The following CPEB3 variants were observed in gnomAD, a reference collection of about 807,000 sequenced individuals.
CPEB3 encodes the protein cytoplasmic polyadenylation element-binding protein 3.
A neutral mutation model predicts 67.2 loss-of-function variants in CPEB3; 20 were observed. The observed-to-expected ratio is 0.30, with a 90% CI of 0.21 to 0.43. The LOEUF (loss-of-function observed/expected upper bound fraction) is 0.43. Ranked by LOEUF, CPEB3 falls within the 20% of genes least tolerant of loss-of-function variation. The pLI is 1.00. For synonymous variants in CPEB3, 376 were observed against 393.1 expected, an observed-to-expected ratio of 0.96 and a Z score of 0.51; for missense variants, 746 against 968.6, an observed-to-expected ratio of 0.77 and a Z score of 3.05.
chr10:92,081,526 A>T, intron 8 of CPEB3, 25 bp from the exon 9 acceptor site: 2 of 1,595,242 alleles, frequency 1.3e-6, no homozygotes, highest in Non-Finnish European at 1.7e-6. Context: ...CAAAACATGG[A>T]TGTGTATAAA....
chr10:92,259,637 T>G (rs1223085744), intron 1 of CPEB3, among the ~76,000 whole-genome samples: 7 of 152,214 alleles, frequency 4.6e-5, no homozygotes, highest in Non-Finnish European at 8.8e-5. Context: ...GTACCACATT[T>G]TTATTGCTTT....
chr10:92,222,029 A>C (rs1850725559), intron 2 of CPEB3, among the ~76,000 whole-genome samples: 2 of 152,116 alleles, frequency 1.3e-5, no homozygotes, highest in Admixed American at 1.3e-4. Flanking sequence ...ACCCCATCGA[A>C]GACGTTCACT....
chr10:92,201,596 G>A (rs117962493), intron 2 of CPEB3, among the ~76,000 whole-genome samples: 2,947 of 152,224 alleles, frequency 0.019, 46 homozygotes, highest in Non-Finnish European at 0.03. Context: ...CCTGGTTAGT[G>A]TGCATATGTG....
At chr10:92,153,514 A>G (rs1171005612) in intron 4 of CPEB3, among the ~76,000 whole-genome samples, 1 of 152,122 alleles carries the variant, frequency 6.6e-6, no homozygotes, top group Non-Finnish European at 1.5e-5. Context: ...GGCTGGGTGC[A>G]GTGGCTCATG....
intron 7 of CPEB3, among the ~76,000 whole-genome samples, chr10:92,106,561 T>A (rs967593313): frequency 1.3e-5 from 2 of 151,954 alleles, no homozygotes; most frequent in African/African-American, 4.8e-5. Context: ...ACGCTTGTAA[T>A]CCTAGCACTT....
chr10:92,192,443 C>A, intron 3 of CPEB3, 34 bp downstream of exon 3: 1 of 1,555,062 alleles, frequency 6.4e-7, no homozygotes, highest in South Asian at 1.2e-5. Context: ...GCTTAAAACA[C>A]CAAGCAAGAA....
intron 9 of CPEB3, among the ~76,000 whole-genome samples, chr10:92,075,404 T>C (rs1015520473): frequency 3.9e-5 from 6 of 152,326 alleles, no homozygotes; most frequent in African/African-American, 1.4e-4. Flanking sequence ...AACACCTCTA[T>C]GTTTCTTAAG....
At chr10:92,125,442 A>C (rs965961176) in intron 6 of CPEB3, among the ~76,000 whole-genome samples, 1 of 152,162 alleles carries the variant, frequency 6.6e-6, no homozygotes, top group Non-Finnish European at 1.5e-5. Context: ...AGCTGTGCTC[A>C]TTGCACAGCA....
rs140483582 is a variant in CPEB3, at chr10:92,183,118, T to C, written c.1166-2099A>G. On this transcript the variant is annotated intron_variant, in intron 3 of 9. Transcript: ENST00000265997. Reference sequence around the variant, plus strand: ...AATTTTGCTAGCATTTGTAATATAGTAAAATTATTTTCTTAGATTAGATCA... The same window carrying C: ...AATTTTGCTAGCATTTGTAATATAGCAAAATTATTTTCTTAGATTAGATCA... Among the ~76,000 whole-genome samples the C allele has an allele frequency of 2.0e-5, 3 of 152,276 alleles. No homozygotes were observed. The East Asian group carries it at 5.8e-4, about 29-fold the overall frequency.
At chr10:92,246,463 C>G (rs1158552137) in intron 1 of CPEB3, among the ~76,000 whole-genome samples, 1 of 151,630 alleles carries the variant, frequency 6.6e-6, no homozygotes, top group Non-Finnish European at 1.5e-5. Flanking sequence ...AACATCCTTA[C>G]AGCTTTAAGA....
chr10:92,204,205 G>A (rs1305880603), intron 2 of CPEB3: 1 of 152,142 alleles, frequency 6.6e-6, no homozygotes, highest in Non-Finnish European at 1.5e-5. Context: ...TGTTTGACTT[G>A]GGTGGTTGGG....
chr10:92,135,182 A>G (rs1014654658), intron 6 of CPEB3, among the ~76,000 whole-genome samples: 2 of 152,228 alleles, frequency 1.3e-5, no homozygotes, highest in African/African-American at 4.8e-5. Flanking sequence ...ATTAAACTAA[A>G]GAGCTTCTGC....
chr10:92,119,152 G>A (rs1236535307), intron 6 of CPEB3: 54 of 1,582,438 alleles, frequency 3.4e-5, no homozygotes, highest in South Asian at 6.6e-5. Flanking sequence ...CTGTAGGGCC[G>A]GCAGCCATAT....
chr10:92,216,787 C>T, intron 2 of CPEB3: 1 of 1,609,896 alleles, frequency 6.2e-7, no homozygotes. Context: ...TGCCCCTACC[C>T]CTATGAGGAG....
At chr10:92,230,965 A>T (rs369074459) in intron 2 of CPEB3, among the ~76,000 whole-genome samples, 2 of 152,350 alleles carry the variant, frequency 1.3e-5, no homozygotes, top group African/African-American at 4.8e-5. Flanking sequence ...AGGAGATTCA[A>T]ATTAGACCTT....
chr10:92,276,267 TTTTTC>T (rs1841979993), intron 1 of CPEB3, among the ~76,000 whole-genome samples: 2 of 148,214 alleles, frequency 1.3e-5, no homozygotes, highest in African/African-American at 2.6e-5. Context: ...ATGCTGCTTT[TTTTTC>T]TTTTCTTTTT....
rs1265387052 is a variant in CPEB3 at position 92,050,167 on chromosome 10, CAT to C, written c.*2043_*2044del. 7 of 151,258 alleles carry C rather than the reference CAT, an allele frequency of 4.6e-5. No individual in the cohort carries two copies. The highest frequency in any genetic ancestry group is 7.4e-5 in the Non-Finnish European group (5 of 67,716). 9.4% of individuals were successfully genotyped at this position (151,258 alleles called of 1,614,324 possible). A position where few individuals can be genotyped will look rare whatever the true frequency, so the allele number is the denominator to read the frequency against. Reference sequence around the variant, plus strand: ...GTACAGATGAAAAAAAACCCACAAACATAGAAAAAAACAAACAAAACCACACC... The same window carrying C: ...GTACAGATGAAAAAAAACCCACAAACAGAAAAAAACAAACAAAACCACACC... On this transcript the variant is annotated 3_prime_UTR_variant, in exon 10 of 10. Coordinates refer to ENST00000265997, the MANE Select transcript of CPEB3 (RefSeq NM_014912.5).
intron 2 of CPEB3, among the ~76,000 whole-genome samples, chr10:92,229,702 T>C (rs930506050): frequency 1.3e-5 from 2 of 152,226 alleles, no homozygotes; most frequent in Admixed American, 1.3e-4. Context: ...CTTTATAATA[T>C]TATGTACATA....
intron 2 of CPEB3, among the ~76,000 whole-genome samples, chr10:92,233,747 T>C (rs1851386063): frequency 6.6e-6 from 1 of 152,168 alleles, no homozygotes; most frequent in Non-Finnish European, 1.5e-5. Context: ...TACTAAGTTA[T>C]AATTACCTAG....
Sources: gnomAD v4.1 joint callset for allele counts (sites outside exome capture counted in the v4.1 genomes callset) on GRCh38, gnomAD v4.1.1 for gene constraint, MANE v1.5 for transcripts, NCBI Gene and HGNC (gene_info 2026-07-23, HGNC 2026-07-21) for gene names.